The following NTRK1 variants were observed in gnomAD, a reference collection of about 807,000 sequenced individuals.
NTRK1 encodes the protein high affinity nerve growth factor receptor.
A neutral mutation model predicts 86.8 loss-of-function variants in NTRK1; 62 were observed. The ratio of observed to expected loss-of-function variants is 0.71; its 90% confidence interval spans 0.58 to 0.88. NTRK1 has a LOEUF of 0.88. Ranked by LOEUF, NTRK1 falls within the 40% of genes least tolerant of loss-of-function variation. NTRK1 has a pLI of 0.00. For missense variants in NTRK1, 967 were observed against 1,078.4 expected (o/e 0.90, Z 1.45); for synonymous variants, 469 against 456.6 (o/e 1.03, Z -0.35).
intron 6 of NTRK1, among the ~76,000 whole-genome samples, chr1:156,869,016 CTCCCTTCCTTCCTTCCTTCCT>C (rs1275784991): frequency 0.043 from 5,297 of 122,506 alleles, 351 homozygotes; most frequent in Non-Finnish European, 0.055. Context: ...ACTTTTCTCT[CTCCCTTCCTTCCTTCCTTCCT>C]TCCTTCCTTC....
At chr1:156,859,591 G>A (rs1306210166), upstream of NTRK1, among the ~76,000 whole-genome samples, 1 of 152,128 alleles carries the variant, frequency 6.6e-6, no homozygotes, top group African/African-American at 2.4e-5. This position sits in a 1 kb window ranked among gnomAD's most constrained non-coding sequence, Gnocchi z 6.2. Flanking sequence ...TTAGCGCCAG[G>A]CTCCGTCACC....
intron 2 of NTRK1, chr1:156,845,153 A>G (rs1366033785): frequency 6.2e-7 from 1 of 1,611,846 alleles, no homozygotes; most frequent in Admixed American, 1.7e-5. Flanking sequence ...GCAGGCATGG[A>G]TGTCGATCCG....
rs772137960 is a variant in NTRK1 at position 156,876,497 on chromosome 1, G to A, written c.1730G>A (p.Gly577Asp). 2 of 1,613,778 alleles carry A rather than the reference G, an allele frequency of 1.2e-6. No individual in the cohort carries two copies. The highest frequency in any genetic ancestry group is 2.2e-5 in the East Asian group (1 of 44,884). ...CACCAGCACATCGTGCGCTTCTTCG[G>A]CGTCTGCACCGAGGGCCGCCCCCTG... ...LQHQHIVRFF[G>D]VCTEGRPLLM... is the part of the protein sequence containing the mutation. The change falls in exon 14 of 17, where the codon GGC (glycine) becomes GAC (aspartate). Residue 577 changes from glycine to aspartate, a missense_variant. Gly to Asp is a moderately conservative substitution (Grantham distance 94, BLOSUM62 -1). This residue lies in a region of NTRK1 where 637 missense variants were observed against 776.5 expected (regional missense o/e 0.82). Coordinates refer to ENST00000524377, the MANE Select transcript of NTRK1 (RefSeq NM_002529.4).
chr1:156,867,349 G>A (rs933360199), intron 4 of NTRK1, among the ~76,000 whole-genome samples: 2 of 152,210 alleles, frequency 1.3e-5, no homozygotes, highest in East Asian at 1.9e-4. Flanking sequence ...GTCACTCTGG[G>A]GGGCTGTGCC....
At chr1:156,840,988 T>C in intron 1 of NTRK1, 6 of 1,613,318 alleles carry the variant, frequency 3.7e-6, no homozygotes, top group Non-Finnish European at 5.1e-6. Flanking sequence ...CGGGCTGTAG[T>C]AGAAGGAGAG....
At chr1:156,879,005 C>T (rs1185454940) in intron 14 of NTRK1, 117 bp from the exon 15 acceptor site, 5 of 1,227,908 alleles carry the variant, frequency 4.1e-6, no homozygotes, top group Non-Finnish European at 5.7e-6. Flanking sequence ...TCTCAATCCT[C>T]CACTTCCAGG....
chr1:156,881,475 C>T lies in NTRK1; in HGVS notation c.2224C>T (p.Gln742Ter). 1 of 1,577,870 alleles carries T rather than the reference C, an allele frequency of 6.3e-7. No homozygotes were observed. The highest frequency in any genetic ancestry group is 8.6e-7 in the Non-Finnish European group (1 of 1,161,826). The change falls in exon 17 of 17, where the codon CAG (glutamine) becomes TAG (stop). Residue 742 changes from glutamine (Q) to a stop codon, truncating the protein, a stop_gained. Coordinates refer to ENST00000524377, the MANE Select transcript of NTRK1 (RefSeq NM_002529.4). LOFTEE classifies it high-confidence loss of function. ...SNTEAIDCIT[Q>*]GRELERPRAC... ...GCCCCAGGCAATCGACTGCATCACG[C>T]AGGGACGTGAGTTGGAGCGGCCACG...
chr1:156,880,153 C>T lies in NTRK1; in HGVS notation c.2201C>T (p.Thr734Met), dbSNP rs755323716. 32 of 1,613,206 alleles carry T rather than the reference C, an allele frequency of 2.0e-5. 1 individual carries two copies. The Admixed American group carries it at 2.5e-4, about 13-fold the overall frequency. The change falls in exon 16 of 17, where the codon ACG becomes ATG. Residue 734 changes from threonine (T) to methionine (M), a missense_variant. Physicochemically the swap from Thr to Met is moderately conservative, Grantham distance 81 (BLOSUM62 -1). Transcript: ENST00000524377. ...CAGCCCTGGTACCAGCTCTCCAACACGGAGGTCAGCCCCGGCCCATGGTCA... is the reference window on the plus strand; with the variant it reads ...CAGCCCTGGTACCAGCTCTCCAACATGGAGGTCAGCCCCGGCCCATGGTCA... ...GKQPWYQLSN[T>M]EAIDCITQGR...
rs146775862 is a variant in NTRK1 at position 156,815,752 on chromosome 1, AC to A, written c.-147del. ...CTGCTTCTGGGACTCAATGCACTGC[AC>A]CCTGGTCATCTGCGGACTCAGCCTG... On this transcript the variant is annotated 5_prime_UTR_variant, in exon 1 of 17. Transcript: ENST00000392302. The A allele has an allele frequency of 3.9e-3, 6,085 of 1,551,468 alleles. 212 individuals carry two copies. In the African/African-American group the frequency reaches 0.07, roughly 18 times the overall value.
chr1:156,830,533 A>G, intron 1 of NTRK1, among the ~76,000 whole-genome samples: 1 of 149,176 alleles, frequency 6.7e-6, no homozygotes, highest in African/African-American at 2.5e-5. Flanking sequence ...CCTTTCTAGA[A>G]GAGAGGTTGT....
chr1:156,875,025 G>A lies in NTRK1; in HGVS notation c.1354+17G>A, dbSNP rs2102912580. On this transcript the variant is annotated intron_variant, in intron 11 of 16. Transcript: ENST00000524377. ...GGATCAACCGTGAGTCGGGGCTGCA[G>A]AGGGCTGTCTGTCTGTCTGTTCTCC... 1.3e-6 allele frequency: 2 copies of A among 1,561,006 alleles called. No homozygotes were observed.
At chr1:156,831,920 T>C (rs2102842771) in intron 1 of NTRK1, among the ~76,000 whole-genome samples, 1 of 152,274 alleles carries the variant, frequency 6.6e-6, no homozygotes, top group Admixed American at 6.5e-5. Flanking sequence ...CAGTCAGGCC[T>C]CCAGACTTCC....
At chr1:156,824,899 C>T (rs567760818) in intron 1 of NTRK1, among the ~76,000 whole-genome samples, 25 of 152,016 alleles carry the variant, frequency 1.6e-4, no homozygotes, top group African/African-American at 6.0e-4. Context: ...ACCTTCCTTT[C>T]TTTTTTTTGA....
chr1:156,849,057 G>C, intron 2 of NTRK1: 1 of 1,611,406 alleles, frequency 6.2e-7, no homozygotes, highest in Non-Finnish European at 8.5e-7. Context: ...CCTGGGTGGG[G>C]CGAGGGGCCT....
chr1:156,879,028 T>A (rs1648085369), intron 14 of NTRK1, 94 bp from the exon 15 acceptor site: 1 of 1,454,966 alleles, frequency 6.9e-7, no homozygotes, highest in Admixed American at 1.8e-5. Flanking sequence ...CCCAGTCTCC[T>A]CTCCCATCAC....
chr1:156,866,776 T>G (rs1468526544), intron 3 of NTRK1, 134 bp from the exon 4 acceptor site: 9 of 596,464 alleles, frequency 1.5e-5, no homozygotes, highest in East Asian at 5.6e-5. Flanking sequence ...CTTCCAGGGC[T>G]GGTTCTGGTT....
chr1:156,877,623 C>T (rs1648000659), intron 14 of NTRK1, among the ~76,000 whole-genome samples: 2 of 152,228 alleles, frequency 1.3e-5, no homozygotes, highest in Admixed American at 6.5e-5. Flanking sequence ...GAATCAGCTG[C>T]CACTTATGAG....
intron 1 of NTRK1, chr1:156,841,119 G>T: frequency 6.5e-7 from 1 of 1,549,684 alleles, no homozygotes. Context: ...TGGGTGTGGG[G>T]AGCAGGGTCA....
At chr1:156,832,557 T>G (rs1654491575) in intron 1 of NTRK1, among the ~76,000 whole-genome samples, 1 of 150,820 alleles carries the variant, frequency 6.6e-6, no homozygotes. Context: ...TGGAGGAGAG[T>G]GGAGGATGCT....
Sources: gnomAD v4.1 joint callset for allele counts (sites outside exome capture counted in the v4.1 genomes callset) on GRCh38, gnomAD v4.1.1 for gene constraint, gnomAD v4.1.1 regional missense constraint, Gnocchi (gnomAD v3.1) non-coding constraint, MANE v1.5 for transcripts, NCBI Gene and HGNC (gene_info 2026-07-23, HGNC 2026-07-21) for gene names.